Variants in PPP2R5E observed in about 807,000 individuals in gnomAD.
The protein encoded by PPP2R5E is protein phosphatase 2 regulatory subunit B'epsilon.
A neutral mutation model predicts 65.3 loss-of-function variants in PPP2R5E; 4 were observed. The ratio of observed to expected loss-of-function variants is 0.06; its 90% CI spans 0.03 to 0.14. The LOEUF is 0.14. Ranked by LOEUF, PPP2R5E falls within the 10% of genes least tolerant of loss-of-function variation. The probability of loss-of-function intolerance (pLI) is 1.00; values close to 1 mark genes in which losing one functional copy is unlikely to be tolerated. For synonymous variants in PPP2R5E, 183 were observed against 187.4 expected (o/e 0.98, Z 0.19); for missense variants, 274 against 556.1 (o/e 0.49, Z 5.10).
At chr14:63,473,357 G>A (rs1307054847) in intron 2 of PPP2R5E, among the ~76,000 whole-genome samples, 1 of 152,156 alleles carries the variant, frequency 6.6e-6, no homozygotes, top group Admixed American at 6.5e-5. Context: ...CTCAATGACT[G>A]AGTAAGGGGA....
At chr14:63,525,950 G>A (rs897732495) in intron 2 of PPP2R5E, among the ~76,000 whole-genome samples, 3 of 152,134 alleles carry the variant, frequency 2.0e-5, no homozygotes, top group Non-Finnish European at 2.9e-5. Context: ...TCCGCCGCAT[G>A]GGTTCAAGAG....
chr14:63,531,485 G>GAA (rs1555369615), intron 2 of PPP2R5E, among the ~76,000 whole-genome samples: 1 of 120,006 alleles, frequency 8.3e-6, no homozygotes, highest in African/African-American at 4.3e-5. Context: ...AAATTAAAAA[G>GAA]AAAAAAAAAA....
intron 5 of PPP2R5E, among the ~76,000 whole-genome samples, chr14:63,411,061 C>T (rs765203664): frequency 6.6e-6 from 1 of 152,176 alleles, no homozygotes; most frequent in Non-Finnish European, 1.5e-5. Context: ...TTTGCAAGCA[C>T]TTAGGGCAGG....
At chr14:63,459,548 AAACT>A (rs1889339001) in intron 2 of PPP2R5E, among the ~76,000 whole-genome samples, 1 of 152,224 alleles carries the variant, frequency 6.6e-6, no homozygotes, top group Non-Finnish European at 1.5e-5. Context: ...AGCAAATAAA[AAACT>A]AACCCAGAAC....
intron 2 of PPP2R5E, among the ~76,000 whole-genome samples, chr14:63,480,858 A>G (rs1466155102): frequency 6.6e-6 from 1 of 152,134 alleles, no homozygotes; most frequent in African/African-American, 2.4e-5. Context: ...TCCTTCTCTC[A>G]CATTAAAAGG....
chr14:63,374,007 A>T lies in PPP2R5E; in HGVS notation c.*2002T>A, dbSNP rs1214588160. 1 of 114,368 alleles carries T rather than the reference A, an allele frequency of 8.7e-6. No individual in the cohort carries two copies. Among genetic ancestry groups the T allele is most frequent in the Non-Finnish European group, 1.7e-5 (1 of 58,220 alleles). The allele number at this position is 114,368 out of a possible 1,614,324, so 7.1% of individuals were successfully genotyped here. On this transcript the variant is annotated 3_prime_UTR_variant, in exon 14 of 14. Transcript: ENST00000337537. ...GTGAATCCCCATCAATGTTCTTTAA[A>T]AAAAAAAAAAAAAAAACTATTAATT...
intron 4 of PPP2R5E, among the ~76,000 whole-genome samples, chr14:63,420,661 T>C (rs1020993101): frequency 6.6e-6 from 1 of 152,128 alleles, no homozygotes; most frequent in Non-Finnish European, 1.5e-5. Flanking sequence ...ACAGACAGAC[T>C]TGCAAATTTG....
At chr14:63,528,048 A>C (rs1255304658) in intron 2 of PPP2R5E, among the ~76,000 whole-genome samples, 2 of 152,118 alleles carry the variant, frequency 1.3e-5, no homozygotes, top group Admixed American at 6.6e-5. Context: ...GTAACATAAA[A>C]ATAAGATTCC....
chr14:63,461,847 T>TACACACAC (rs10695748), intron 2 of PPP2R5E, among the ~76,000 whole-genome samples: 2,521 of 150,898 alleles, frequency 0.017, 71 homozygotes, highest in African/African-American at 0.058. Flanking sequence ...CCCTCACACA[T>TACACACAC]ACACACACAC....
intron 2 of PPP2R5E, among the ~76,000 whole-genome samples, chr14:63,517,618 T>C (rs758970774): frequency 5.9e-5 from 9 of 152,216 alleles, no homozygotes; most frequent in Non-Finnish European, 1.3e-4. Flanking sequence ...CTCACTCCAC[T>C]CAATTTTCAC....
intron 3 of PPP2R5E, among the ~76,000 whole-genome samples, chr14:63,437,940 T>G (rs1020810598): frequency 6.6e-6 from 1 of 152,190 alleles, no homozygotes; most frequent in Non-Finnish European, 1.5e-5. Flanking sequence ...TCTCCACTAC[T>G]TGGCCAACCC....
At chr14:63,469,232 A>G (rs1757197609) in intron 2 of PPP2R5E, among the ~76,000 whole-genome samples, 1 of 152,218 alleles carries the variant, frequency 6.6e-6, no homozygotes, top group Admixed American at 6.5e-5. Context: ...TAATTAAATG[A>G]CCATATAGAT....
chr14:63,475,338 C>T (rs570946378), intron 2 of PPP2R5E, among the ~76,000 whole-genome samples: 3 of 152,318 alleles, frequency 2.0e-5, no homozygotes, highest in South Asian at 4.1e-4. Context: ...CAATCCGTCA[C>T]GTGAAACCAG....
Position 63,491,224 on chromosome 14 carries a change from A to AG in PPP2R5E, c.158-37340dup, listed in dbSNP as rs1594935668. ...ACGAACAATAAACACTGGGGACTTT[A>AG]GAAGGGGGAAGCCAGGTGGCAAGGG... is the stretch of plus-strand genomic sequence containing the variant. On this transcript the variant is annotated intron_variant, in intron 2 of 13. Coordinates refer to ENST00000337537, the MANE Select transcript of PPP2R5E (RefSeq NM_006246.5). 6.1e-5 allele frequency among the ~76,000 whole-genome samples: 9 copies of AG among 148,330 alleles called. No individual in the cohort carries two copies. In the East Asian group the frequency reaches 1.7e-3, roughly 29 times the overall value.
intron 2 of PPP2R5E, among the ~76,000 whole-genome samples, chr14:63,474,857 A>C (rs1890327950): frequency 6.6e-6 from 1 of 152,176 alleles, no homozygotes; most frequent in East Asian, 1.9e-4. Context: ...AAAGTGAAGC[A>C]GAAGGAGCTC....
At chr14:63,422,201 A>G in intron 3 of PPP2R5E, 107 bp from the exon 4 acceptor site, 1 of 836,112 alleles carries the variant, frequency 1.2e-6, no homozygotes, top group Non-Finnish European at 1.9e-6. Flanking sequence ...TGCACAAGGA[A>G]CATCACCAAA....
At chr14:63,377,880 T>A (rs1884081259) in intron 13 of PPP2R5E, among the ~76,000 whole-genome samples, 1 of 152,226 alleles carries the variant, frequency 6.6e-6, no homozygotes, top group Admixed American at 6.5e-5. Context: ...TTTGTTCTTT[T>A]CTTAGAGTCA....
intron 2 of PPP2R5E, among the ~76,000 whole-genome samples, chr14:63,511,166 T>A (rs1409678786): frequency 6.6e-6 from 1 of 152,232 alleles, no homozygotes; most frequent in Non-Finnish European, 1.5e-5. Flanking sequence ...GACTTGTAAC[T>A]CACTTTGGCC....
intron 5 of PPP2R5E, among the ~76,000 whole-genome samples, chr14:63,404,730 T>C (rs1015500178): frequency 6.6e-6 from 1 of 152,212 alleles, no homozygotes; most frequent in African/African-American, 2.4e-5. Flanking sequence ...CGCTTTTATT[T>C]TCCTCCATTT....
Sources: gnomAD v4.1 joint callset for allele counts (sites outside exome capture counted in the v4.1 genomes callset) on GRCh38, gnomAD v4.1.1 for gene constraint, MANE v1.5 for transcripts, NCBI Gene and HGNC (gene_info 2026-07-23, HGNC 2026-07-21) for gene names.